ROBO2: variants seen among roughly 807,000 people sequenced by gnomAD.
ROBO2 encodes roundabout homolog 2.
In ROBO2, 53 loss-of-function variants were observed where a neutral mutation model predicts 160.8. That is an observed-to-expected ratio of 0.33 (90% CI 0.26 to 0.41). The LOEUF is 0.41. ROBO2 is among the 10% of genes least tolerant of loss of function. The probability of loss-of-function intolerance (pLI) is 1.00; values close to 1 mark genes in which losing one functional copy is unlikely to be tolerated. For synonymous variants in ROBO2, 664 were observed against 611.7 expected, an observed-to-expected ratio of 1.09 and a Z score of -1.26; for missense variants, 1,577 against 1,722.4, an observed-to-expected ratio of 0.92 and a Z score of 1.49.
At chr3:76,341,079 A>C (rs572553342) in intron 2 of ROBO2, among the ~76,000 whole-genome samples, 26 of 152,242 alleles carry the variant, frequency 1.7e-4, no homozygotes, top group Non-Finnish European at 3.5e-4. Flanking sequence ...GTGTAATATT[A>C]GTTCATTTTC....
intron 2 of ROBO2, among the ~76,000 whole-genome samples, chr3:77,162,766 A>G (rs971429424): frequency 6.6e-6 from 1 of 152,188 alleles, no homozygotes; most frequent in Non-Finnish European, 1.5e-5. Context: ...GGAGATCAGC[A>G]CTAGAGGTCA....
At chr3:76,366,584 G>A (rs1315016020) in intron 2 of ROBO2, among the ~76,000 whole-genome samples, 1 of 151,932 alleles carries the variant, frequency 6.6e-6, no homozygotes, top group African/African-American at 2.4e-5. Context: ...TTCTAGTAAT[G>A]CTATTGTTAA....
intron 2 of ROBO2, among the ~76,000 whole-genome samples, chr3:76,049,158 T>G (rs1362772559): frequency 6.6e-6 from 1 of 151,950 alleles, no homozygotes; most frequent in Non-Finnish European, 1.5e-5. Flanking sequence ...AGGTGGTGTG[T>G]GTAAGGAGCC....
chr3:76,924,385 T>A (rs2076851507), intron 2 of ROBO2, among the ~76,000 whole-genome samples: 1 of 152,166 alleles, frequency 6.6e-6, no homozygotes, highest in Non-Finnish European at 1.5e-5. Context: ...TTTCCCTCTT[T>A]AACTATGTGA....
intron 2 of ROBO2, among the ~76,000 whole-genome samples, chr3:76,008,481 G>GA (rs971161435): frequency 6.6e-6 from 1 of 151,882 alleles, no homozygotes; most frequent in African/African-American, 2.4e-5. Context: ...CATTTAAAAT[G>GA]AAAAAAAGAA....
intron 19 of ROBO2, among the ~76,000 whole-genome samples, chr3:77,599,651 AAAAT>A (rs1360741092): frequency 3.3e-5 from 5 of 152,110 alleles, no homozygotes; most frequent in Non-Finnish European, 7.4e-5. Flanking sequence ...GTATAATAAA[AAAAT>A]AAATAAAAAA....
At position 76,626,651 on chromosome 3, in the gene ROBO2, G is replaced by A. The variant is rs151161491; in HGVS notation, c.110-471363G>A. Among the ~76,000 whole-genome samples the A allele has an allele frequency of 1.9e-3, 285 of 152,198 alleles. 3 individuals are homozygous for A. The highest frequency in any genetic ancestry group is 6.5e-3 in the African/African-American group (268 of 41,546). On this transcript the variant is annotated intron_variant, in intron 2 of 26. Transcript: ENST00000487694. ...CTATCCATTATCAGCTTAGGAAATA[G>A]TGTATTCTCTTTCTTAACTTATTGT...
intron 2 of ROBO2, among the ~76,000 whole-genome samples, chr3:76,876,289 G>C (rs989236950): frequency 6.6e-6 from 1 of 152,186 alleles, no homozygotes; most frequent in African/African-American, 2.4e-5. Flanking sequence ...AGTAATGGAA[G>C]TTTTATAAAA....
intron 2 of ROBO2, among the ~76,000 whole-genome samples, chr3:76,006,886 C>G (rs1311494093): frequency 6.6e-6 from 1 of 151,842 alleles, no homozygotes; most frequent in East Asian, 1.9e-4. Flanking sequence ...ACATACCGGT[C>G]AAGTAAGTTA....
intron 2 of ROBO2, among the ~76,000 whole-genome samples, chr3:77,472,704 C>G (rs960689537): frequency 2.6e-5 from 4 of 152,024 alleles, no homozygotes; most frequent in Non-Finnish European, 4.4e-5. Flanking sequence ...CCTACCATAT[C>G]CCTTTTCTTT....
chr3:76,324,222 C>T (rs1177674770), intron 2 of ROBO2, among the ~76,000 whole-genome samples: 2 of 152,008 alleles, frequency 1.3e-5, no homozygotes, highest in Non-Finnish European at 2.9e-5. Context: ...AAAAGTAAAA[C>T]ACTGAAAAAG....
intron 2 of ROBO2, among the ~76,000 whole-genome samples, chr3:76,877,379 T>C (rs972012602): frequency 6.6e-6 from 1 of 152,214 alleles, no homozygotes; most frequent in Non-Finnish European, 1.5e-5. Flanking sequence ...TTTAGTATTC[T>C]GTGCTCTAAG....
chr3:76,943,580 A>G (rs2078331446), intron 2 of ROBO2, among the ~76,000 whole-genome samples: 1 of 152,228 alleles, frequency 6.6e-6, no homozygotes, highest in Non-Finnish European at 1.5e-5. Flanking sequence ...ACTAGAAAAT[A>G]GTGACTATAT....
intron 2 of ROBO2, among the ~76,000 whole-genome samples, chr3:76,996,411 C>T (rs955918522): frequency 2.6e-5 from 4 of 152,050 alleles, no homozygotes; most frequent in African/African-American, 7.2e-5. Flanking sequence ...GTTCTTTTGG[C>T]TTAGGACTGA....
rs193016290 is a variant in ROBO2, at chr3:77,136,327, A to G, written c.388+37987A>G. Among the ~76,000 whole-genome samples the G allele has an allele frequency of 5.9e-5, 9 of 152,242 alleles. No homozygotes were observed. In the South Asian group the frequency reaches 6.2e-4, roughly 11 times the overall value. On this transcript the variant is annotated intron_variant, in intron 2 of 25. Transcript: ENST00000461745. ...CCTAAGTCTGACTTAAGATTTTTAT[A>G]AATTAGCTTCATCATTAAATACCAA...
At chr3:77,475,899 A>G (rs1199115749) in intron 2 of ROBO2, among the ~76,000 whole-genome samples, 1 of 152,226 alleles carries the variant, frequency 6.6e-6, no homozygotes, top group Non-Finnish European at 1.5e-5. Context: ...GGGGCCAAAA[A>G]TATGCAGTTC....
chr3:76,613,031 T>C (rs984377290), intron 2 of ROBO2, among the ~76,000 whole-genome samples: 1 of 152,160 alleles, frequency 6.6e-6, no homozygotes, highest in African/African-American at 2.4e-5. Flanking sequence ...TTTCTTCATT[T>C]TGTTTTCATT....
At chr3:76,885,968 G>A (rs1209974655) in intron 2 of ROBO2, among the ~76,000 whole-genome samples, 1 of 152,076 alleles carries the variant, frequency 6.6e-6, no homozygotes, top group East Asian at 1.9e-4. Flanking sequence ...CATGGCCTAT[G>A]AAGAAAACCT....
chr3:77,057,727 C>T (rs1297070687), intron 1 of ROBO2, among the ~76,000 whole-genome samples: 1 of 151,900 alleles, frequency 6.6e-6, no homozygotes, highest in Non-Finnish European at 1.5e-5. Flanking sequence ...CGTGCCACCA[C>T]ACTCAGCTAA....
Sources: allele counts gnomAD v4.1 joint callset (sites outside exome capture counted in the v4.1 genomes callset), GRCh38; gene constraint gnomAD v4.1.1; transcripts MANE v1.5; gene names NCBI Gene and HGNC (gene_info 2026-07-23, HGNC 2026-07-21).